GRIK3: variants seen among roughly 807,000 people sequenced by gnomAD.
GRIK3 encodes glutamate receptor ionotropic, kainate 3.
In GRIK3, 29 loss-of-function variants were observed where a neutral mutation model predicts 102.5. The observed-to-expected ratio is 0.28, with a 90% CI of 0.21 to 0.39. The LOEUF is 0.39. Among genes scored for constraint, GRIK3 ranks in the 10% least tolerant of loss-of-function variants. The probability of loss-of-function intolerance (pLI) is 1.00; values close to 1 mark genes in which losing one functional copy is unlikely to be tolerated. For missense variants in GRIK3, 908 were observed against 1,252.4 expected, an observed-to-expected ratio of 0.73 and a Z score of 4.15; for synonymous variants, 511 against 504.9, an observed-to-expected ratio of 1.01 and a Z score of -0.16.
At chr1:36,954,875 G>A (rs1641885104) in intron 1 of GRIK3, among the ~76,000 whole-genome samples, 1 of 152,252 alleles carries the variant, frequency 6.6e-6, no homozygotes. Flanking sequence ...GCCTGCAGGT[G>A]TGGACCCAGG....
intron 1 of GRIK3, among the ~76,000 whole-genome samples, chr1:37,021,175 T>C (rs1028376749): frequency 2.0e-5 from 3 of 151,360 alleles, no homozygotes; most frequent in African/African-American, 7.3e-5. Context: ...GATCAGGTTT[T>C]CTTAATAGGA....
At chr1:36,944,105 G>C (rs889894003) in intron 1 of GRIK3, among the ~76,000 whole-genome samples, 1 of 152,130 alleles carries the variant, frequency 6.6e-6, no homozygotes, top group Admixed American at 6.5e-5. Context: ...CTTCCACCTG[G>C]GATACATACA....
intron 1 of GRIK3, among the ~76,000 whole-genome samples, chr1:36,960,193 G>A (rs1570827085): frequency 7.4e-6 from 1 of 134,684 alleles, no homozygotes; most frequent in Non-Finnish European, 1.6e-5. Context: ...CTGTGCCCCC[G>A]AGCCTCTGTG....
At chr1:37,009,942 G>C (rs929146504) in intron 1 of GRIK3, among the ~76,000 whole-genome samples, 3 of 152,108 alleles carry the variant, frequency 2.0e-5, no homozygotes, top group African/African-American at 7.2e-5. Flanking sequence ...GGGAGAAGAG[G>C]AGGCAAGTAC....
At chr1:36,942,544 G>A (rs187714658) in intron 1 of GRIK3, among the ~76,000 whole-genome samples, 5 of 152,308 alleles carry the variant, frequency 3.3e-5, no homozygotes, top group African/African-American at 1.2e-4. Context: ...TGCAGCTGGA[G>A]GGGAACTGGG....
chr1:36,935,275 A>C (rs546218527), intron 1 of GRIK3, among the ~76,000 whole-genome samples: 1 of 152,216 alleles, frequency 6.6e-6, no homozygotes, highest in South Asian at 2.1e-4. Flanking sequence ...CTCTAAGGCA[A>C]CTCATTTTTT....
At chr1:36,956,967 G>A (rs541744687) in intron 1 of GRIK3, among the ~76,000 whole-genome samples, 50 of 152,348 alleles carry the variant, frequency 3.3e-4, no homozygotes, top group African/African-American at 1.2e-3. Context: ...GTCTCCACCC[G>A]CATCACTCTG....
At chr1:36,842,151 G>A (rs1461200958) in intron 9 of GRIK3, among the ~76,000 whole-genome samples, 2 of 152,196 alleles carry the variant, frequency 1.3e-5, no homozygotes, top group Non-Finnish European at 2.9e-5. Context: ...TACAGGGCGG[G>A]AGCTCAGTAG....
intron 1 of GRIK3, among the ~76,000 whole-genome samples, chr1:36,993,367 G>A (rs1208145739): frequency 1.3e-5 from 2 of 152,156 alleles, no homozygotes; most frequent in African/African-American, 2.4e-5. Context: ...GGGCTCAAGT[G>A]ATTCTCCGCC....
chr1:36,935,626 T>C (rs990238283), intron 1 of GRIK3, among the ~76,000 whole-genome samples: 1 of 150,968 alleles, frequency 6.6e-6, no homozygotes, highest in African/African-American at 2.4e-5. Context: ...GAAACTTCCC[T>C]CCTGAATGAT....
chr1:36,802,665 A>G (rs532380941), intron 15 of GRIK3, among the ~76,000 whole-genome samples: 1 of 152,316 alleles, frequency 6.6e-6, no homozygotes, highest in East Asian at 1.9e-4. Context: ...AGGAACATCA[A>G]GAGCGCAGCG....
intron 1 of GRIK3, among the ~76,000 whole-genome samples, chr1:37,009,626 C>T (rs1048958582): frequency 9.9e-5 from 15 of 152,172 alleles, no homozygotes; most frequent in Middle Eastern, 6.8e-3. Flanking sequence ...GTGGTCCATT[C>T]GTGGGGAGCC....
intron 1 of GRIK3, among the ~76,000 whole-genome samples, chr1:36,913,769 G>C (rs1207522577): frequency 6.6e-6 from 1 of 152,076 alleles, no homozygotes; most frequent in African/African-American, 2.4e-5. Context: ...CTCTCCCAGA[G>C]GCATGACTCT....
At chr1:36,912,740 G>T (rs1348481974) in intron 1 of GRIK3, among the ~76,000 whole-genome samples, 1 of 152,110 alleles carries the variant, frequency 6.6e-6, no homozygotes, top group Non-Finnish European at 1.5e-5. Context: ...AGAGGGTGAG[G>T]ACACGCCTTT....
At chr1:36,941,272 C>A (rs1008044213) in intron 1 of GRIK3, among the ~76,000 whole-genome samples, 1 of 152,222 alleles carries the variant, frequency 6.6e-6, no homozygotes, top group Non-Finnish European at 1.5e-5. Context: ...CCACTCCAAG[C>A]GCCAGACACA....
At position 36,799,857 on chromosome 1, in the gene GRIK3, C is replaced by G. The variant is rs1231959024; in HGVS notation, c.*1994G>C. 1 of 152,442 alleles carries G rather than the reference C, an allele frequency of 6.6e-6. No individual in the cohort carries two copies. The highest frequency in any genetic ancestry group is 2.4e-5 in the African/African-American group (1 of 41,456). 9.4% of individuals were successfully genotyped at this position (152,442 alleles called of 1,614,324 possible). On this transcript the variant is annotated 3_prime_UTR_variant, in exon 16 of 16. Transcript: ENST00000373091. Reference sequence around the variant, plus strand: ...ACTATGTTATATGTCCAGATCTGTCCTGTGCCCCAGCCCCCGAAGCTCACA... The same window carrying G: ...ACTATGTTATATGTCCAGATCTGTCGTGTGCCCCAGCCCCCGAAGCTCACA...
At chr1:36,812,788 G>T (rs1642578233) in intron 13 of GRIK3, among the ~76,000 whole-genome samples, 1 of 152,038 alleles carries the variant, frequency 6.6e-6, no homozygotes, top group Non-Finnish European at 1.5e-5. Context: ...TTAAGACTGT[G>T]TGCTTCCTAA....
chr1:36,856,046 A>C (rs1640647567), intron 7 of GRIK3, among the ~76,000 whole-genome samples: 1 of 152,216 alleles, frequency 6.6e-6, no homozygotes, highest in Non-Finnish European at 1.5e-5. Context: ...CATGGTGCCT[A>C]GGGAGCTGGG....
chr1:36,898,070 C>A (rs1248540415), intron 1 of GRIK3, among the ~76,000 whole-genome samples: 1 of 149,984 alleles, frequency 6.7e-6, no homozygotes, highest in Non-Finnish European at 1.5e-5. Flanking sequence ...ACTCTCAAAC[C>A]AAAACAATTG....
Sources: allele counts gnomAD v4.1 joint callset (sites outside exome capture counted in the v4.1 genomes callset), GRCh38; gene constraint gnomAD v4.1.1; transcripts MANE v1.5; gene names NCBI Gene and HGNC (gene_info 2026-07-23, HGNC 2026-07-21).